Variants in GRXCR1 observed in about 807,000 individuals in gnomAD.
GRXCR1 encodes the protein glutaredoxin and cysteine rich domain containing 1.
Under a neutral mutation model 27.3 loss-of-function variants are expected in GRXCR1, and 27 were observed. The observed-to-expected ratio is 0.99, with a 90% confidence interval of 0.73 to 1.37. The LOEUF (loss-of-function observed/expected upper bound fraction) is 1.37. Among genes scored for constraint, GRXCR1 ranks in the 40% most tolerant of loss-of-function variants. The pLI, the probability that GRXCR1 is intolerant of heterozygous loss-of-function variation, is 0.00. For missense variants in GRXCR1, 379 were observed against 354.4 expected (o/e 1.07, Z -0.56); for synonymous variants, 122 against 131.1 (o/e 0.93, Z 0.47).
intron 2 of GRXCR1, among the ~76,000 whole-genome samples, chr4:42,989,801 C>T (rs942729102): frequency 2.0e-5 from 3 of 152,158 alleles, no homozygotes; most frequent in Non-Finnish European, 2.9e-5. Flanking sequence ...TAGAAAAGTT[C>T]CACCAATACC....
chr4:42,938,584 A>T (rs760555120), intron 1 of GRXCR1, among the ~76,000 whole-genome samples: 1 of 151,954 alleles, frequency 6.6e-6, no homozygotes, highest in Non-Finnish European at 1.5e-5. Context: ...CTTTGCTCAG[A>T]CCAATGTACT....
chr4:43,009,226 T>A (rs574304257), intron 2 of GRXCR1, among the ~76,000 whole-genome samples: 13 of 152,316 alleles, frequency 8.5e-5, no homozygotes, highest in Non-Finnish European at 1.6e-4. Context: ...CCAGACACAG[T>A]TCTGGCAGGT....
intron 1 of GRXCR1, among the ~76,000 whole-genome samples, chr4:42,960,711 C>T (rs917622636): frequency 6.6e-6 from 1 of 151,710 alleles, no homozygotes; most frequent in Admixed American, 6.6e-5. Context: ...GTTATTATCA[C>T]ATTCTCATCA....
chr4:42,899,603 G>A (rs1746420722), intron 1 of GRXCR1, among the ~76,000 whole-genome samples: 1 of 151,888 alleles, frequency 6.6e-6, no homozygotes, highest in Non-Finnish European at 1.5e-5. Flanking sequence ...TTTCTTTCTA[G>A]TTGAGTTCTG....
chr4:42,911,686 G>C (rs1577902251), intron 1 of GRXCR1, among the ~76,000 whole-genome samples: 2 of 152,046 alleles, frequency 1.3e-5, no homozygotes, highest in South Asian at 2.1e-4. Context: ...TCTAGATCAT[G>C]TACACCCATT....
chr4:43,003,553 G>A (rs1044739652), intron 2 of GRXCR1, among the ~76,000 whole-genome samples: 2 of 152,196 alleles, frequency 1.3e-5, no homozygotes, highest in African/African-American at 2.4e-5. Context: ...TGAATTTCAG[G>A]TTGAGTGGTC....
chr4:43,025,199 G>C (rs1275997155), intron 3 of GRXCR1, among the ~76,000 whole-genome samples: 1 of 152,100 alleles, frequency 6.6e-6, no homozygotes. Flanking sequence ...TTTGTCGTTT[G>C]TCGTTTTTGT....
intron 1 of GRXCR1, among the ~76,000 whole-genome samples, chr4:42,953,915 A>G (rs1261077149): frequency 6.6e-6 from 1 of 152,096 alleles, no homozygotes; most frequent in Non-Finnish European, 1.5e-5. Flanking sequence ...CCCATGAAAT[A>G]GGCACTAGTG....
chr4:42,948,825 A>C (rs532558898), intron 1 of GRXCR1, among the ~76,000 whole-genome samples: 2 of 152,106 alleles, frequency 1.3e-5, no homozygotes, highest in Admixed American at 1.3e-4. Flanking sequence ...ACCATTATCC[A>C]CAGAATGGGG....
chr4:42,916,333 A>G (rs1023099420), intron 1 of GRXCR1, among the ~76,000 whole-genome samples: 6 of 152,162 alleles, frequency 3.9e-5, no homozygotes, highest in African/African-American at 1.4e-4. Context: ...AGGCACAAAG[A>G]GGACCACCTA....
intron 2 of GRXCR1, among the ~76,000 whole-genome samples, chr4:43,012,009 T>G (rs1712765947): frequency 6.6e-6 from 1 of 152,248 alleles, no homozygotes; most frequent in South Asian, 2.1e-4. Flanking sequence ...GAATTTTAAT[T>G]GACACTTTGA....
chr4:43,000,402 G>A (rs1329168732), intron 2 of GRXCR1, among the ~76,000 whole-genome samples: 3 of 150,784 alleles, frequency 2.0e-5, no homozygotes, highest in African/African-American at 7.3e-5. Flanking sequence ...CTTGAACCAG[G>A]GACTAGGAGG....
chr4:42,921,249 C>G (rs1037341933), intron 1 of GRXCR1, among the ~76,000 whole-genome samples: 37 of 152,172 alleles, frequency 2.4e-4, no homozygotes, highest in African/African-American at 8.2e-4. Flanking sequence ...GGTCCCTCAC[C>G]ACACATGGAA....
chr4:42,932,513 C>A (rs180836886), intron 1 of GRXCR1, among the ~76,000 whole-genome samples: 124 of 144,446 alleles, frequency 8.6e-4, no homozygotes, highest in African/African-American at 3.1e-3. Context: ...TAGAACTTTT[C>A]ATCAGCTCCA....
At chr4:42,948,867 G>A (rs938742250) in intron 1 of GRXCR1, among the ~76,000 whole-genome samples, 1 of 152,092 alleles carries the variant, frequency 6.6e-6, no homozygotes, top group African/African-American at 2.4e-5. Flanking sequence ...GGCAAGACAA[G>A]GAATTCTCCC....
chr4:42,954,639 C>T (rs1219172050), intron 1 of GRXCR1, among the ~76,000 whole-genome samples: 3 of 152,068 alleles, frequency 2.0e-5, no homozygotes, highest in African/African-American at 4.8e-5. Flanking sequence ...AAATATGCAG[C>T]AGTCATGTGA....
At chr4:42,924,808 G>A (rs1325632369) in intron 1 of GRXCR1, among the ~76,000 whole-genome samples, 1 of 152,046 alleles carries the variant, frequency 6.6e-6, no homozygotes, top group Non-Finnish European at 1.5e-5. Flanking sequence ...AAGGAAAGGA[G>A]ATTGAGAATG....
At chr4:43,011,127 T>C (rs1712736306) in intron 2 of GRXCR1, among the ~76,000 whole-genome samples, 1 of 152,214 alleles carries the variant, frequency 6.6e-6, no homozygotes, top group South Asian at 2.1e-4. Flanking sequence ...CTTATTCTCT[T>C]GTTTTGAAAA....
At chr4:42,979,015 G>T (rs1748588472) in intron 2 of GRXCR1, among the ~76,000 whole-genome samples, 1 of 151,950 alleles carries the variant, frequency 6.6e-6, no homozygotes, top group African/African-American at 2.4e-5. Flanking sequence ...TTCACTTTCT[G>T]CCATGATTAT....
Sources: gnomAD v4.1 joint callset for allele counts (sites outside exome capture counted in the v4.1 genomes callset) on GRCh38, gnomAD v4.1.1 for gene constraint, MANE v1.5 for transcripts, NCBI Gene and HGNC (gene_info 2026-07-23, HGNC 2026-07-21) for gene names.